LRP1B: variants seen among roughly 807,000 people sequenced by gnomAD.
The protein encoded by LRP1B is LDL receptor related protein 1B, also known as low-density lipoprotein receptor-related protein 1B.
Under a neutral mutation model 556.6 loss-of-function variants are expected in LRP1B, and 217 were observed. That is an observed-to-expected ratio of 0.39 (90% confidence interval 0.35 to 0.44). The LOEUF (loss-of-function observed/expected upper bound fraction) is 0.44, where lower values mean the gene tolerates loss of function less well. LRP1B is among the 20% of genes least tolerant of loss of function. The probability of loss-of-function intolerance (pLI) is 1.00; values close to 1 mark genes in which losing one functional copy is unlikely to be tolerated. For missense variants in LRP1B, 5,053 were observed against 5,620.8 expected (o/e 0.90, Z 3.23); for synonymous variants, 2,047 against 1,865.8 (o/e 1.10, Z -2.50).
intron 3 of LRP1B, among the ~76,000 whole-genome samples, chr2:141,366,037 A>G (rs1210272357): frequency 6.6e-6 from 1 of 152,140 alleles, no homozygotes; most frequent in African/African-American, 2.4e-5. Flanking sequence ...AAATTTAAAT[A>G]ATCATTATTT....
In LRP1B at chr2:140,274,508, C is replaced by A. The variant is rs2104952221; in HGVS notation, c.13058G>T (p.Gly4353Val). Residue 4353 changes from glycine (G) to valine (V), a missense_variant, in exon 85 of 91, where the codon GGA becomes GTA. Physicochemically the swap from Gly to Val is moderately radical, Grantham distance 109. Coordinates refer to ENST00000389484, the MANE Select transcript of LRP1B (RefSeq NM_018557.3). ...VECVCPTRYE[G>V]PKCEVDKCVR... Reference sequence around the variant, plus strand: ...ACACTTGTCAACCTCACATTTTGGTCCTTCATAGCGCGTTGGACAGACACA... The same window carrying A: ...ACACTTGTCAACCTCACATTTTGGTACTTCATAGCGCGTTGGACAGACACA... The A allele has an allele frequency of 6.2e-7, 1 of 1,612,678 alleles. No homozygotes were observed. The highest frequency in any genetic ancestry group is 8.5e-7 in the Non-Finnish European group (1 of 1,179,100).
At position 141,705,890 on chromosome 2, in the gene LRP1B, T is replaced by C. The variant is rs72983839; in HGVS notation, c.205+104389A>G. On this transcript the variant is annotated intron_variant, in intron 2 of 90. Transcript: ENST00000389484. ...TTTCTGTTCCTAAATAGTTATTCCA[T>C]AGCATGCCATTCAATGATTATCATA... Among the ~76,000 whole-genome samples the C allele has an allele frequency of 2.2e-3, 329 of 152,142 alleles. 2 individuals are homozygous for C. The highest frequency in any genetic ancestry group is 7.4e-3 in the African/African-American group (309 of 41,566).
intron 59 of LRP1B, among the ~76,000 whole-genome samples, chr2:140,483,660 A>G: frequency 1.7e-5 from 1 of 59,570 alleles, no homozygotes; most frequent in Admixed American, 1.8e-4. Context: ...TTTTTTTTTG[A>G]GACACTGTCT....
At chr2:141,593,937 A>G in intron 2 of LRP1B, among the ~76,000 whole-genome samples, 1 of 152,110 alleles carries the variant, frequency 6.6e-6, no homozygotes, top group South Asian at 2.1e-4. Context: ...TCCTTGGACC[A>G]GATTGAGAAC....
intron 1 of LRP1B, among the ~76,000 whole-genome samples, chr2:141,948,179 G>C (rs369450058): frequency 5.7e-4 from 87 of 152,012 alleles, no homozygotes; most frequent in South Asian, 3.8e-3. Flanking sequence ...CATGCTTGTG[G>C]TCCCAGCTAC....
intron 62 of LRP1B, among the ~76,000 whole-genome samples, chr2:140,452,486 A>G (rs999110175): frequency 1.3e-5 from 2 of 152,152 alleles, no homozygotes; most frequent in Admixed American, 1.3e-4. Context: ...AAAAGCATAT[A>G]TCACAATATT....
chr2:140,590,129 C>A (rs1682156935), intron 43 of LRP1B, among the ~76,000 whole-genome samples: 2 of 151,704 alleles, frequency 1.3e-5, no homozygotes, highest in African/African-American at 4.8e-5. Context: ...TCGTCCTTCA[C>A]TCATTAATAT....
chr2:140,705,897 A>G (rs1025397012), intron 37 of LRP1B, among the ~76,000 whole-genome samples: 73 of 152,150 alleles, frequency 4.8e-4, no homozygotes, highest in Admixed American at 4.7e-3. Flanking sequence ...AAAATTAAGT[A>G]AACATTTTAT....
At chr2:142,064,897 T>C (rs900378040) in intron 1 of LRP1B, among the ~76,000 whole-genome samples, 10 of 151,640 alleles carry the variant, frequency 6.6e-5, no homozygotes, top group African/African-American at 2.4e-4. Flanking sequence ...GTAATATGCA[T>C]ATATACATAT....
At chr2:141,338,463 G>A (rs932626255) in intron 3 of LRP1B, among the ~76,000 whole-genome samples, 9 of 152,026 alleles carry the variant, frequency 5.9e-5, no homozygotes, top group African/African-American at 2.2e-4. Context: ...GTTGCTGGAA[G>A]GAAAAAGTGG....
At chr2:141,590,535 A>G (rs1285298295) in intron 2 of LRP1B, among the ~76,000 whole-genome samples, 3 of 152,104 alleles carry the variant, frequency 2.0e-5, no homozygotes, top group Non-Finnish European at 4.4e-5. Flanking sequence ...TTAAGCCTCA[A>G]ACAGTTTTTT....
chr2:141,344,682 C>A (rs1042248871), intron 3 of LRP1B, among the ~76,000 whole-genome samples: 2 of 152,074 alleles, frequency 1.3e-5, no homozygotes, highest in African/African-American at 4.8e-5. Context: ...GAAATATAAG[C>A]TCCATAAGGG....
intron 1 of LRP1B, among the ~76,000 whole-genome samples, chr2:142,050,323 T>C (rs928994374): frequency 6.6e-6 from 1 of 152,156 alleles, no homozygotes; most frequent in African/African-American, 2.4e-5. Context: ...TATATTATCA[T>C]TTGAAACCTT....
chr2:141,606,007 C>T (rs16855062), intron 2 of LRP1B, among the ~76,000 whole-genome samples: 16,814 of 151,174 alleles, frequency 0.11, 1,123 homozygotes, highest in East Asian at 0.25. Flanking sequence ...ATTACTTAAT[C>T]GAAAGTCTAT....
At chr2:141,998,528 A>G (rs1702562239) in intron 1 of LRP1B, among the ~76,000 whole-genome samples, 1 of 152,190 alleles carries the variant, frequency 6.6e-6, no homozygotes, top group Non-Finnish European at 1.5e-5. Flanking sequence ...ATATTTTTAA[A>G]CCAAAAAGTA....
intron 6 of LRP1B, among the ~76,000 whole-genome samples, chr2:141,198,656 A>AT (rs906436796): frequency 1.6e-4 from 24 of 151,802 alleles, no homozygotes; most frequent in Non-Finnish European, 1.3e-4. Flanking sequence ...CTTTTACACC[A>AT]TTTCCCCAAT....
intron 3 of LRP1B, among the ~76,000 whole-genome samples, chr2:141,362,829 A>C (rs1232312535): frequency 2.0e-5 from 3 of 152,250 alleles, no homozygotes; most frequent in South Asian, 2.1e-4. Flanking sequence ...AAAAAAAAAA[A>C]AAAACTTAAC....
chr2:140,950,429 G>C (rs1314241764), intron 19 of LRP1B, 27 bp from the exon 20 acceptor site: 1 of 1,561,562 alleles, frequency 6.4e-7, no homozygotes, highest in Middle Eastern at 1.7e-4. Flanking sequence ...ACATGAGGCA[G>C]TGAAATCTGA....
At chr2:140,469,513 T>A (rs1687679542) in intron 60 of LRP1B, among the ~76,000 whole-genome samples, 1 of 152,238 alleles carries the variant, frequency 6.6e-6, no homozygotes, top group South Asian at 2.1e-4. Flanking sequence ...ATTGCTCTTT[T>A]CATTTTGAAG....
Sources: allele counts gnomAD v4.1 joint callset (sites outside exome capture counted in the v4.1 genomes callset), GRCh38; gene constraint gnomAD v4.1.1; transcripts MANE v1.5; gene names NCBI Gene and HGNC (gene_info 2026-07-23, HGNC 2026-07-21).